ABCD4: variants seen among roughly 807,000 people sequenced by gnomAD.
ABCD4 encodes the protein ATP binding cassette subfamily D member 4, also known as lysosomal cobalamin transporter ABCD4.
A neutral mutation model predicts 86.3 loss-of-function variants in ABCD4; 53 were observed. That is an observed-to-expected ratio of 0.61 (90% CI 0.49 to 0.77). The LOEUF is 0.77. Ranked by LOEUF, ABCD4 falls within the 30% of genes least tolerant of loss-of-function variation. The pLI is 0.00. For missense variants in ABCD4, 757 were observed against 764.5 expected (o/e 0.99, Z 0.12); for synonymous variants, 328 against 313.6 (o/e 1.05, Z -0.49).
In ABCD4 at chr14:74,286,018, T is replaced by G. The variant is rs2079667452; in HGVS notation, c.*443A>C. 6.5e-6 allele frequency: 1 copy of G among 154,094 alleles called. No homozygotes were observed. Among genetic ancestry groups the G allele is most frequent in the Non-Finnish European group, 1.4e-5 (1 of 69,400 alleles). The allele number at this position is 154,094 out of a possible 1,614,324, so 9.5% of individuals were successfully genotyped here. On this transcript the variant is annotated 3_prime_UTR_variant, in exon 19 of 19. Coordinates refer to ENST00000356924, the MANE Select transcript of ABCD4 (RefSeq NM_005050.4). The stretch of plus-strand genomic sequence containing the variant: ...TTCTTTTTAATGTTTAACTTTTCTT[T>G]GTAAAAAACTTATTAAAAAACTTAA...
intron 11 of ABCD4, among the ~76,000 whole-genome samples, chr14:74,291,097 C>A (rs528121143): frequency 6.6e-6 from 1 of 152,158 alleles, no homozygotes; most frequent in Non-Finnish European, 1.5e-5. Flanking sequence ...GGAAAGGCCA[C>A]GTGAGGACAC....
At chr14:74,302,216 C>T (rs543761351) in intron 1 of ABCD4, among the ~76,000 whole-genome samples, 2 of 152,284 alleles carry the variant, frequency 1.3e-5, no homozygotes, top group South Asian at 4.1e-4. Context: ...AGAAAAAAAT[C>T]TATCCACCAC....
intron 2 of ABCD4, 114 bp downstream of exon 2, chr14:74,300,036 C>G (rs2083948692): frequency 7.5e-6 from 5 of 670,792 alleles, no homozygotes; most frequent in Non-Finnish European, 1.2e-5. Flanking sequence ...GCACTCCAGC[C>G]TGGGCAACAA....
At chr14:74,296,595 G>T in intron 4 of ABCD4, 146 bp from the exon 5 acceptor site, 2 of 695,482 alleles carry the variant, frequency 2.9e-6, no homozygotes, top group Non-Finnish European at 2.4e-6. Context: ...ACCAGACAAG[G>T]CTGGTTTCCT....
rs72542410 is a variant in ABCD4 at position 74,302,904 on chromosome 14, G to C, written c.9C>G (p.Val3=). The change falls in exon 1 of 19, where the codon GTC becomes GTG. Residue 3 remains valine (V), a synonymous_variant. Transcript: ENST00000356924. ...CGCCAGCTCCGGGCGCGGGCCCCGC[G>C]ACCGCCATGACCTGAGACCCGAGGG... is the stretch of plus-strand genomic sequence containing the variant. MA[V]AGPAPGAGAR... The C allele has an allele frequency of 6.3e-5, 102 of 1,607,164 alleles. No homozygotes were observed. The highest frequency in any genetic ancestry group is 1.6e-4 in the Middle Eastern group (1 of 6,064).
chr14:74,288,147 C>A, intron 16 of ABCD4, 60 bp downstream of exon 16: 1 of 1,576,652 alleles, frequency 6.3e-7, no homozygotes, highest in Non-Finnish European at 8.7e-7. Context: ...TGACAGGGAC[C>A]CTGAAACCCA....
intron 1 of ABCD4, among the ~76,000 whole-genome samples, 184 bp from the exon 2 acceptor site, chr14:74,300,452 C>A (rs565667189): frequency 1.3e-5 from 2 of 151,928 alleles, no homozygotes; most frequent in African/African-American, 4.8e-5. Flanking sequence ...TTTGGCCAAG[C>A]GTGGTGGCTC....
rs2081062377 is a variant in ABCD4, at chr14:74,290,093, A to G, written c.1353T>C (p.Phe451=). ...TRGSVQMLTD[F]GPHGVLFLPQ... Reference sequence around the variant, plus strand: ...GCAGGAATAGCACCCCATGGGGCCCAAAGTCCGTCAGCATCTGCACTGAGC... The same window carrying G: ...GCAGGAATAGCACCCCATGGGGCCCGAAGTCCGTCAGCATCTGCACTGAGC... Residue 451 remains phenylalanine, a synonymous_variant, in exon 13 of 19, where the codon TTT becomes TTC. Transcript: ENST00000356924. 1 of 1,614,058 alleles carries G rather than the reference A, an allele frequency of 6.2e-7. No individual in the cohort carries two copies. The highest frequency in any genetic ancestry group is 1.3e-5 in the African/African-American group (1 of 75,026).
chr14:74,298,003 G>A lies in ABCD4; in HGVS notation c.352C>T (p.His118Tyr), dbSNP rs371774856. The change falls in exon 4 of 19, where the codon CAC becomes TAC. Residue 118 changes from histidine to tyrosine, a missense_variant. Transcript: ENST00000356924. ...CCCCGGAAGTAGAGGCGGTGAAGGT[G>A]CTCAGTGAGGTCCTTCCTCCAGCTC... ...YVSWRKDLTE[H>Y]LHRLYFRGRA... The A allele has an allele frequency of 9.9e-6, 16 of 1,613,862 alleles. No individual in the cohort carries two copies. Among genetic ancestry groups the A allele is most frequent in the Non-Finnish European group, 1.4e-5 (16 of 1,179,968 alleles).
chr14:74,295,315 G>A, intron 6 of ABCD4, 117 bp from the exon 7 acceptor site: 1 of 1,222,874 alleles, frequency 8.2e-7, no homozygotes, highest in East Asian at 2.5e-5. Flanking sequence ...CAAAACCGTG[G>A]CTGCCTCAGT....
At chr14:74,291,121 C>A (rs2081378372) in intron 11 of ABCD4, among the ~76,000 whole-genome samples, 1 of 152,176 alleles carries the variant, frequency 6.6e-6, no homozygotes, top group Admixed American at 6.5e-5. Flanking sequence ...AACAAGGTGG[C>A]CATCTACAAG....
rs1193352078 is a variant in ABCD4, at chr14:74,290,334, G to C, written c.1284C>G (p.Thr428=). ...LITGNTGTGK[T]SLLRVLGGLW... The stretch of plus-strand genomic sequence containing the variant: ...GGCCACCCAGAACCCGGAGCAAGGA[G>C]GTCTTGCCAGTGCCCGTGTTGCCTG... The change falls in exon 12 of 19, where the codon ACC becomes ACG. Residue 428 remains threonine (T), a synonymous_variant. Coordinates refer to ENST00000356924, the MANE Select transcript of ABCD4 (RefSeq NM_005050.4). 1 of 1,614,216 alleles carries C rather than the reference G, an allele frequency of 6.2e-7. No individual in the cohort carries two copies. The highest frequency in any genetic ancestry group is 1.1e-5 in the South Asian group (1 of 91,080).
At chr14:74,290,181 C>G in intron 12 of ABCD4, 63 bp from the exon 13 acceptor site, 2 of 1,611,636 alleles carry the variant, frequency 1.2e-6, no homozygotes, top group South Asian at 2.2e-5. Context: ...CCTGTCTCCT[C>G]TCTTCCTTGT....
rs770737148 is a variant in ABCD4, at chr14:74,295,897, C to T, written c.625G>A (p.Val209Met). The T allele has an allele frequency of 5.6e-6, 9 of 1,613,044 alleles. No individual in the cohort carries two copies. Among genetic ancestry groups the T allele is most frequent in the Admixed American group, 1.7e-5 (1 of 59,536 alleles). The change falls in exon 6 of 19, where the codon GTG (valine) becomes ATG (methionine). Residue 209 changes from valine (V) to methionine (M), a missense_variant. Transcript: ENST00000356924. ...VVNKTLMGPI[V>M]MKLVHQEKLE... is the part of the protein sequence containing the mutation. Reference sequence around the variant, plus strand: ...TTCTCCTGATGCACCAGCTTCATCACAATGGGGCCCATCAAAGTTTTGTTC... The same window carrying T: ...TTCTCCTGATGCACCAGCTTCATCATAATGGGGCCCATCAAAGTTTTGTTC...
chr14:74,289,986 G>T, intron 13 of ABCD4, 41 bp downstream of exon 13: 1 of 1,613,520 alleles, frequency 6.2e-7, no homozygotes, highest in Non-Finnish European at 8.5e-7. Context: ...TGGGTGGGCG[G>T]GGTTGAGGAG....
chr14:74,286,918 C>G, intron 17 of ABCD4, 102 bp from the exon 18 acceptor site: 1 of 1,086,332 alleles, frequency 9.2e-7, no homozygotes, highest in Middle Eastern at 2.9e-4. Context: ...CCAGGGGAGG[C>G]TGAAAGCTGC....
chr14:74,289,061 G>A lies in ABCD4; in HGVS notation c.1457-296C>T, dbSNP rs557093129. The A allele has an allele frequency of 1.3e-4, 134 of 1,016,482 alleles. No individual in the cohort carries two copies. In the African/African-American group the frequency reaches 2.4e-3, roughly 18 times the overall value. 63.0% of individuals were successfully genotyped at this position (1,016,482 alleles called of 1,614,324 possible). A position where few individuals can be genotyped will look rare whatever the true frequency, so the allele number is the denominator to read the frequency against. Reference sequence around the variant, plus strand: ...CGGGAGGTGGAGGTTGCAGTGAGCCGAGATCACACCACTGCACTCCAGTCT... The same window carrying A: ...CGGGAGGTGGAGGTTGCAGTGAGCCAAGATCACACCACTGCACTCCAGTCT... On this transcript the variant is annotated intron_variant, in intron 14 of 18. Transcript: ENST00000356924.
At chr14:74,296,221 G>A in intron 5 of ABCD4, 112 bp downstream of exon 5, 1 of 1,202,510 alleles carries the variant, frequency 8.3e-7, no homozygotes, top group Non-Finnish European at 1.2e-6. Context: ...GTGAGCACGT[G>A]GTAAGGTACG....
At chr14:74,296,559 G>C (rs550154033) in intron 4 of ABCD4, 110 bp from the exon 5 acceptor site, 69 of 942,648 alleles carry the variant, frequency 7.3e-5, no homozygotes, top group Non-Finnish European at 1.1e-4. Context: ...ACAGTGCTGT[G>C]AACACTGACC....
Sources: gnomAD v4.1 joint callset for allele counts (sites outside exome capture counted in the v4.1 genomes callset) on GRCh38, gnomAD v4.1.1 for gene constraint, MANE v1.5 for transcripts, NCBI Gene and HGNC (gene_info 2026-07-23, HGNC 2026-07-21) for gene names.